Variants in ABAT observed in about 807,000 individuals in gnomAD.
ABAT encodes 4-aminobutyrate aminotransferase.
In ABAT, 45 loss-of-function variants were observed where a neutral mutation model predicts 64.6. The ratio of observed to expected loss-of-function variants is 0.70; its 90% CI spans 0.55 to 0.89. The LOEUF is 0.89. Among genes scored for constraint, ABAT ranks in the 40% least tolerant of loss-of-function variants. ABAT has a pLI of 0.00. For missense variants in ABAT, 633 were observed against 658.4 expected (o/e 0.96, Z 0.42); for synonymous variants, 297 against 250.5 (o/e 1.19, Z -1.75).
chr16:8,769,621 A>G (rs975247860), intron 11 of ABAT, among the ~76,000 whole-genome samples: 3 of 151,952 alleles, frequency 2.0e-5, no homozygotes, highest in African/African-American at 7.2e-5. Flanking sequence ...CCCACAGGAA[A>G]AAATGGTTCC....
chr16:8,740,439 G>A (rs1014344879), intron 2 of ABAT, among the ~76,000 whole-genome samples: 1 of 152,190 alleles, frequency 6.6e-6, no homozygotes, highest in African/African-American at 2.4e-5. Context: ...TTACGGGGTT[G>A]TGGCTGGATT....
At chr16:8,746,137 G>A in intron 3 of ABAT, 39 bp downstream of exon 3, 1 of 1,528,002 alleles carries the variant, frequency 6.5e-7, no homozygotes, top group Non-Finnish European at 9.1e-7. Flanking sequence ...TTTGGAAAAG[G>A]GAAAAAGGCG....
chr16:8,765,241 T>C (rs1367294720), intron 8 of ABAT, among the ~76,000 whole-genome samples: 1 of 149,142 alleles, frequency 6.7e-6, no homozygotes, highest in Admixed American at 6.7e-5. Flanking sequence ...GAGGCTGAGG[T>C]GGAAGGATTG....
intron 12 of ABAT, 103 bp downstream of exon 12, chr16:8,773,020 C>A: frequency 6.6e-7 from 1 of 1,520,254 alleles, no homozygotes; most frequent in Non-Finnish European, 9.1e-7. Flanking sequence ...TTCTGTCAAT[C>A]TCCAGACTTG....
At chr16:8,753,836 G>A (rs1055340086) in intron 5 of ABAT, among the ~76,000 whole-genome samples, 9 of 152,082 alleles carry the variant, frequency 5.9e-5, no homozygotes, top group African/African-American at 2.2e-4. Context: ...CAGACAGAGT[G>A]GAACCCCAAG....
intron 1 of ABAT, among the ~76,000 whole-genome samples, chr16:8,676,709 C>A (rs923954360): frequency 1.3e-5 from 2 of 152,186 alleles, no homozygotes; most frequent in African/African-American, 4.8e-5. Flanking sequence ...ACTGCAGGAA[C>A]CTCACTTGCA....
chr16:8,687,463 T>TTTCAA (rs2057481776), intron 1 of ABAT, among the ~76,000 whole-genome samples: 4 of 144,068 alleles, frequency 2.8e-5, no homozygotes, highest in South Asian at 4.4e-4. Flanking sequence ...GAGTCGGAGG[T>TTTCAA]TGCAATGAGC....
At chr16:8,675,904 A>G (rs2057188567) in intron 1 of ABAT, among the ~76,000 whole-genome samples, 1 of 152,152 alleles carries the variant, frequency 6.6e-6, no homozygotes, top group Non-Finnish European at 1.5e-5. Flanking sequence ...GCCTGTGGAC[A>G]TTGCCTGGTG....
chr16:8,730,553 G>T (rs959809349), intron 1 of ABAT, among the ~76,000 whole-genome samples: 2 of 152,030 alleles, frequency 1.3e-5, no homozygotes, highest in Non-Finnish European at 2.9e-5. Flanking sequence ...CCAGCTGTGG[G>T]ATCTCTCTAG....
In ABAT at chr16:8,781,555, G is replaced by T; in HGVS notation, c.*125G>T. 1 of 1,413,328 alleles carries T rather than the reference G, an allele frequency of 7.1e-7. No individual in the cohort carries two copies. Among genetic ancestry groups the T allele is most frequent in the Non-Finnish European group, 9.8e-7 (1 of 1,020,092 alleles). 87.5% of individuals were successfully genotyped at this position (1,413,328 alleles called of 1,614,324 possible). A position where few individuals can be genotyped will look rare whatever the true frequency, so the allele number is the denominator to read the frequency against. ...AATGCACAGTGAAGGGTGATTTGTGGGGAGGGAGCATTTTTGGTGGTCTTG... is the reference window on the plus strand; with the variant it reads ...AATGCACAGTGAAGGGTGATTTGTGTGGAGGGAGCATTTTTGGTGGTCTTG... On this transcript the variant is annotated 3_prime_UTR_variant, in exon 16 of 16. Coordinates refer to ENST00000268251, the MANE Select transcript of ABAT (RefSeq NM_020686.6). This position sits in a 1 kb window ranked among gnomAD's most constrained non-coding sequence, Gnocchi z 4.5.
At chr16:8,699,155 C>A (rs781096744) in intron 1 of ABAT, among the ~76,000 whole-genome samples, 1 of 152,086 alleles carries the variant, frequency 6.6e-6, no homozygotes, top group Non-Finnish European at 1.5e-5. Flanking sequence ...GTTACAGAAC[C>A]GCCCCAGATC....
At chr16:8,724,326 C>G (rs528087436) in intron 1 of ABAT, among the ~76,000 whole-genome samples, 1 of 152,168 alleles carries the variant, frequency 6.6e-6, no homozygotes, top group Non-Finnish European at 1.5e-5. Context: ...ATAAGTAAAG[C>G]TAAAAGAGGC....
chr16:8,698,054 C>T (rs1022111865), intron 1 of ABAT, among the ~76,000 whole-genome samples: 7 of 152,142 alleles, frequency 4.6e-5, no homozygotes, highest in Non-Finnish European at 8.8e-5. Context: ...TCTGGAGCTG[C>T]CGCAAAAAAA....
intron 15 of ABAT, 151 bp downstream of exon 15, chr16:8,779,741 A>G: frequency 1.4e-6 from 1 of 708,146 alleles, no homozygotes; most frequent in Non-Finnish European, 2.5e-6. Flanking sequence ...TCTCCAAAGA[A>G]GAGAACATTA....
chr16:8,703,268 G>A (rs182241459), intron 1 of ABAT, among the ~76,000 whole-genome samples: 244 of 151,902 alleles, frequency 1.6e-3, no homozygotes, highest in African/African-American at 5.5e-3. Context: ...AGTTTCGGCC[G>A]ACATGGCGAA....
At chr16:8,701,417 A>T (rs537591242) in intron 1 of ABAT, among the ~76,000 whole-genome samples, 1 of 152,294 alleles carries the variant, frequency 6.6e-6, no homozygotes, top group East Asian at 1.9e-4. Context: ...CTAAGCATGC[A>T]CTATTGGCCA....
intron 3 of ABAT, 79 bp downstream of exon 3, chr16:8,746,177 G>A: frequency 9.6e-7 from 1 of 1,046,544 alleles, no homozygotes; most frequent in South Asian, 1.3e-5. Flanking sequence ...GCCAAGCTTA[G>A]GGACCTGTAT....
chr16:8,681,918 AG>A (rs2057342947), intron 1 of ABAT, among the ~76,000 whole-genome samples: 1 of 152,096 alleles, frequency 6.6e-6, no homozygotes, highest in African/African-American at 2.4e-5. Context: ...CTGGGATTAC[AG>A]GCTGAGCCAC....
At chr16:8,778,135 C>A (rs1227948441) in intron 14 of ABAT, among the ~76,000 whole-genome samples, 2 of 152,118 alleles carry the variant, frequency 1.3e-5, no homozygotes, top group Admixed American at 1.3e-4. Flanking sequence ...TGCTGTCCTT[C>A]ATATGGACAG....
Sources: gnomAD v4.1 joint callset for allele counts (sites outside exome capture counted in the v4.1 genomes callset) on GRCh38, gnomAD v4.1.1 for gene constraint, Gnocchi (gnomAD v3.1) non-coding constraint, MANE v1.5 for transcripts, NCBI Gene and HGNC (gene_info 2026-07-23, HGNC 2026-07-21) for gene names.